ZNF385D: variants seen among roughly 807,000 people sequenced by gnomAD.
The protein encoded by ZNF385D is zinc finger protein 659.
Under a neutral mutation model 35.8 loss-of-function variants are expected in ZNF385D, and 15 were observed. The observed-to-expected ratio is 0.42, with a 90% CI of 0.28 to 0.64. ZNF385D has a LOEUF of 0.64. ZNF385D is among the 30% of genes least tolerant of loss of function. The probability of loss-of-function intolerance (pLI) is 0.23; values close to 1 mark genes in which losing one functional copy is unlikely to be tolerated. For synonymous variants in ZNF385D, 212 were observed against 186.8 expected, an observed-to-expected ratio of 1.13 and a Z score of -1.10; for missense variants, 474 against 494.6, an observed-to-expected ratio of 0.96 and a Z score of 0.39.
intron 2 of ZNF385D, among the ~76,000 whole-genome samples, chr3:21,635,727 G>A (rs1226525966): frequency 1.3e-5 from 2 of 152,046 alleles, no homozygotes; most frequent in East Asian, 3.9e-4. Flanking sequence ...CCTTTGTCCC[G>A]AGTCCCCAAA....
intron 1 of ZNF385D, among the ~76,000 whole-genome samples, chr3:21,695,717 T>C (rs1268641456): frequency 6.6e-6 from 1 of 151,790 alleles, no homozygotes; most frequent in African/African-American, 2.4e-5. Flanking sequence ...ATAACAATTT[T>C]ATCCTTGCTA....
chr3:21,730,921 G>T (rs190509551), intron 1 of ZNF385D, among the ~76,000 whole-genome samples: 1 of 152,238 alleles, frequency 6.6e-6, no homozygotes, highest in African/African-American at 2.4e-5. Context: ...TTTACTTAAT[G>T]CTTTTCCTAC....
chr3:22,267,198 A>G (rs1462008638), intron 2 of ZNF385D, among the ~76,000 whole-genome samples: 6 of 151,934 alleles, frequency 3.9e-5, no homozygotes, highest in African/African-American at 1.4e-4. Flanking sequence ...GTATTTGAGA[A>G]GTAGCTACTA....
intron 3 of ZNF385D, among the ~76,000 whole-genome samples, chr3:22,131,928 T>G (rs1057113377): frequency 1.3e-5 from 2 of 152,120 alleles, no homozygotes; most frequent in African/African-American, 4.8e-5. Context: ...GCTAATGAAT[T>G]TAAAATAAAA....
chr3:22,159,163 A>G (rs1705784892), intron 3 of ZNF385D, among the ~76,000 whole-genome samples: 1 of 152,078 alleles, frequency 6.6e-6, no homozygotes, highest in Non-Finnish European at 1.5e-5. Flanking sequence ...CTCATTTCAT[A>G]CTACCAGTGC....
intron 2 of ZNF385D, among the ~76,000 whole-genome samples, chr3:22,184,686 G>C (rs1216658366): frequency 1.3e-5 from 2 of 152,138 alleles, no homozygotes; most frequent in Non-Finnish European, 2.9e-5. Flanking sequence ...AATTAGCCAG[G>C]CGTGGTGGCA....
chr3:21,738,997 A>G (rs1346296667), intron 1 of ZNF385D, among the ~76,000 whole-genome samples: 1 of 152,214 alleles, frequency 6.6e-6, no homozygotes, highest in Admixed American at 6.5e-5. Flanking sequence ...TGATAATAGA[A>G]AAACAAAAGT....
At position 22,092,902 on chromosome 3, in the gene ZNF385D, A is replaced by G. The variant is rs373858794; in HGVS notation, c.325+75915T>C. On this transcript the variant is annotated intron_variant, in intron 3 of 5. Coordinates refer to the ZNF385D transcript ENST00000494108. ...TTAATTTTTTAGTTCTCTATTATTT[A>G]TAACTCATCTATTCTTGAAATTACT... Among the ~76,000 whole-genome samples the G allele has an allele frequency of 5.3e-5, 8 of 152,294 alleles. 1 individual carries two copies. The highest frequency in any genetic ancestry group is 1.9e-4 in the African/African-American group (8 of 41,574).
intron 3 of ZNF385D, among the ~76,000 whole-genome samples, chr3:21,791,552 A>C (rs1049603298): frequency 6.6e-6 from 1 of 152,180 alleles, no homozygotes; most frequent in African/African-American, 2.4e-5. Flanking sequence ...CAAAAGTCTG[A>C]AATTCTGCCA....
chr3:21,744,117 A>G (rs1291619440), intron 1 of ZNF385D, among the ~76,000 whole-genome samples: 1 of 152,182 alleles, frequency 6.6e-6, no homozygotes. Context: ...AACAGTCACT[A>G]GCTTTGTGAC....
At chr3:21,798,006 G>A (rs916576281) in intron 3 of ZNF385D, among the ~76,000 whole-genome samples, 2 of 152,144 alleles carry the variant, frequency 1.3e-5, no homozygotes, top group African/African-American at 4.8e-5. Context: ...GTGAACCCTA[G>A]TGCTGTAGTG....
At chr3:21,763,192 T>G (rs1332305781) in intron 3 of ZNF385D, among the ~76,000 whole-genome samples, 1 of 152,138 alleles carries the variant, frequency 6.6e-6, no homozygotes, top group Non-Finnish European at 1.5e-5. Context: ...GCAATTAGTC[T>G]GAGGAAAGAA....
intron 3 of ZNF385D, among the ~76,000 whole-genome samples, chr3:21,526,369 C>G (rs1434048471): frequency 2.0e-5 from 3 of 152,040 alleles, no homozygotes; most frequent in East Asian, 3.9e-4. Flanking sequence ...AAAACTTGAG[C>G]TATTAGTTCA....
At chr3:22,085,398 C>T (rs979234745) in intron 3 of ZNF385D, among the ~76,000 whole-genome samples, 2 of 152,144 alleles carry the variant, frequency 1.3e-5, no homozygotes, top group African/African-American at 4.8e-5. Flanking sequence ...GGCGATATCA[C>T]CACCGATCCC....
intron 3 of ZNF385D, among the ~76,000 whole-genome samples, chr3:21,556,506 C>T (rs190391003): frequency 4.0e-5 from 6 of 150,284 alleles, no homozygotes; most frequent in East Asian, 2.0e-4. Flanking sequence ...TTATTTTTGA[C>T]GGGTTTGTCA....
chr3:22,090,115 G>A lies in ZNF385D; in HGVS notation c.325+78702C>T, dbSNP rs371274904. On this transcript the variant is annotated intron_variant, in intron 3 of 5. Coordinates refer to the ZNF385D transcript ENST00000494108. ...GGCCTCCCAAAGTGCTGATATTGCA[G>A]GCGTGAGCCACAGCACCCAGCTTGT... is the stretch of plus-strand genomic sequence containing the variant. Among the ~76,000 whole-genome samples, 48 of 152,258 alleles carry A rather than the reference G, an allele frequency of 3.2e-4. 2 individuals carry two copies. The East Asian group carries it at 7.7e-3, about 24-fold the overall frequency.
At chr3:22,266,293 A>G (rs1700892285) in intron 2 of ZNF385D, among the ~76,000 whole-genome samples, 1 of 151,978 alleles carries the variant, frequency 6.6e-6, no homozygotes, top group Non-Finnish European at 1.5e-5. Flanking sequence ...AAAACAATAT[A>G]GCAAGATACC....
intron 3 of ZNF385D, among the ~76,000 whole-genome samples, chr3:22,136,649 C>T (rs773955953): frequency 5.3e-5 from 8 of 152,272 alleles, no homozygotes; most frequent in South Asian, 4.1e-4. Context: ...ACAAGCATAT[C>T]GCTTTATTAA....
At chr3:21,875,508 T>C (rs557434614) in intron 3 of ZNF385D, among the ~76,000 whole-genome samples, 2 of 152,230 alleles carry the variant, frequency 1.3e-5, no homozygotes, top group East Asian at 3.9e-4. Flanking sequence ...TAAATACCAC[T>C]TCAAGCTTCT....
Sources: allele counts gnomAD v4.1 joint callset (sites outside exome capture counted in the v4.1 genomes callset), GRCh38; gene constraint gnomAD v4.1.1; transcripts MANE v1.5; gene names NCBI Gene and HGNC (gene_info 2026-07-23, HGNC 2026-07-21).